The following MRPL38 variants were observed in gnomAD, a reference collection of about 807,000 sequenced individuals.
MRPL38 encodes large ribosomal subunit protein mL38.
In MRPL38, 51 loss-of-function variants were observed where a neutral mutation model predicts 52.1. The ratio of observed to expected loss-of-function variants is 0.98; its 90% CI spans 0.78 to 1.24. The LOEUF (loss-of-function observed/expected upper bound fraction) is 1.24. MRPL38 is among the 50% of genes most tolerant of loss of function. The pLI, the probability that MRPL38 is intolerant of heterozygous loss-of-function variation, is 0.00. For missense variants in MRPL38, 527 were observed against 518.6 expected (o/e 1.02, Z -0.16); for synonymous variants, 245 against 212.7 (o/e 1.15, Z -1.32).
intron 1 of MRPL38, 40 bp downstream of exon 1, chr17:75,904,769 A>AGGGGGCG: frequency 2.2e-6 from 1 of 454,470 alleles, no homozygotes; most frequent in Non-Finnish European, 3.4e-6. Flanking sequence ...CTCGGGCGAC[A>AGGGGGCG]GCCCCCCCCC....
At position 75,901,410 on chromosome 17, in the gene MRPL38, C is replaced by T. The variant is rs913057702; in HGVS notation, c.592-137G>A. On this transcript the variant is annotated intron_variant, in intron 4 of 8. Coordinates refer to ENST00000309352, the MANE Select transcript of MRPL38 (RefSeq NM_032478.4). The surrounding 1 kb of genome is among the most constrained non-coding windows in gnomAD (Gnocchi z 5.7). ...GCACAGGCAGGCAGGCAAAGGGATGCGTAGAGAAGCAGCCCTGCAGAGTTG... is the reference window on the plus strand; with the variant it reads ...GCACAGGCAGGCAGGCAAAGGGATGTGTAGAGAAGCAGCCCTGCAGAGTTG... The T allele has an allele frequency of 2.4e-5, 20 of 850,152 alleles. No homozygotes were observed. The highest frequency in any genetic ancestry group is 8.4e-5 in the Admixed American group (4 of 47,712). 52.7% of individuals were successfully genotyped at this position (850,152 alleles called of 1,614,324 possible). A position where few individuals can be genotyped will look rare whatever the true frequency, so the allele number is the denominator to read the frequency against.
rs1011347546 is a variant in MRPL38, at chr17:75,899,243, G to C, written c.921C>G (p.His307Gln). The C allele has an allele frequency of 2.5e-6, 4 of 1,612,098 alleles. No individual in the cohort carries two copies. In the Admixed American group the frequency reaches 5.0e-5, roughly 20 times the overall value. Residue 307 changes from histidine (H) to glutamine (Q), a missense_variant, in exon 8 of 9, where the codon CAC becomes CAG. His to Gln is a conservative substitution (Grantham distance 24). Coordinates refer to ENST00000309352, the MANE Select transcript of MRPL38 (RefSeq NM_032478.4). The stretch of plus-strand genomic sequence containing the variant: ...AGCCGGCTGGAGTCATGGTTTCTTG[G>C]TGTTTCTTGTAGAAATCAAAAGTGC... ...TFRTFDFYKK[H>Q]QETMTPAGLS...
At chr17:75,900,604 C>G (rs2065399283) in intron 6 of MRPL38, 1 of 255,734 alleles carries the variant, frequency 3.9e-6, no homozygotes, top group African/African-American at 2.3e-5. Flanking sequence ...ACCTGTAGTC[C>G]CAGCTACTCA....
Position 75,904,217 on chromosome 17 carries a change from G to A in MRPL38, c.247+323C>T, listed in dbSNP as rs1395762092. On this transcript the variant is annotated intron_variant, in intron 2 of 8. Transcript: ENST00000309352. ...ACAGTCAGAATGCAGTGTGGCCAGAGTTACCTACAGAGTATTTGAGGCGCA... is the reference window on the plus strand; with the variant it reads ...ACAGTCAGAATGCAGTGTGGCCAGAATTACCTACAGAGTATTTGAGGCGCA... 21 of 544,080 alleles carry A rather than the reference G, an allele frequency of 3.9e-5. No homozygotes were observed. The East Asian group carries it at 9.6e-4, about 25-fold the overall frequency. The allele number at this position is 544,080 out of a possible 1,614,324, so 33.7% of individuals were successfully genotyped here.
chr17:75,904,069 T>C (rs567588544), intron 2 of MRPL38, among the ~76,000 whole-genome samples: 1 of 152,296 alleles, frequency 6.6e-6, no homozygotes, highest in African/African-American at 2.4e-5. Context: ...AGGCCTTTAA[T>C]TTCATTCAGC....
chr17:75,903,405 T>TAAAAC lies in MRPL38; in HGVS notation c.247+1130_247+1134dup, dbSNP rs557749023. ...TGGGCAACAGAGCGAGCCTCTGCCT[T>TAAAAC]AAAACAAAACAAAACAAAATAATAA... On this transcript the variant is annotated intron_variant, in intron 2 of 8. Coordinates refer to ENST00000309352, the MANE Select transcript of MRPL38 (RefSeq NM_032478.4). 5.9e-4 allele frequency among the ~76,000 whole-genome samples: 90 copies of TAAAAC among 152,182 alleles called. 1 individual carries two copies. The South Asian group carries it at 0.016, about 28-fold the overall frequency.
At position 75,899,286 on chromosome 17, in the gene MRPL38, A is replaced by G. The variant is rs777491158; in HGVS notation, c.878T>C (p.Leu293Pro). 1.4e-5 allele frequency: 23 copies of G among 1,612,550 alleles called. No homozygotes were observed. The highest frequency in any genetic ancestry group is 1.9e-5 in the Non-Finnish European group (23 of 1,179,576). Residue 293 changes from leucine to proline, a missense_variant, in exon 8 of 9, where the codon CTG (leucine) becomes CCG (proline). Transcript: ENST00000309352. ...EDARPSPCYQLAQRTFRTFDF... is the reference protein window; with the variant it reads ...EDARPSPCYQPAQRTFRTFDF... ...AAAAGTGCGGAAGGTCCGCTGGGCCAGCTGATAGCTATGAGAAGATAGAGA... is the reference window on the plus strand; with the variant it reads ...AAAAGTGCGGAAGGTCCGCTGGGCCGGCTGATAGCTATGAGAAGATAGAGA...
chr17:75,899,695 G>A (rs1380448695), intron 6 of MRPL38, 21 bp from the exon 7 acceptor site: 1 of 1,539,920 alleles, frequency 6.5e-7, no homozygotes, highest in Non-Finnish European at 8.8e-7. Flanking sequence ...GAAAGTCCCG[G>A]TTAATTACCA....
intron 6 of MRPL38, 35 bp from the exon 7 acceptor site, chr17:75,899,709 C>T (rs1233244611): frequency 6.6e-7 from 1 of 1,517,054 alleles, no homozygotes; most frequent in Middle Eastern, 2.2e-4. Flanking sequence ...ATTACCACTC[C>T]AGGGAGGCAG....
In MRPL38 at chr17:75,899,152, C is replaced by A. The variant is rs1045276811; in HGVS notation, c.1006+6G>T. ...CCACCCAGTGCCCCAGCCCCATGGC[C>A]CTTACCCAGAAGCTGGTGGAAGATG... On this transcript the variant is annotated splice_donor_region_variant and intron_variant, in intron 8 of 8. Transcript: ENST00000309352. 1 of 1,599,222 alleles carries A rather than the reference C, an allele frequency of 6.3e-7. No individual in the cohort carries two copies. Among genetic ancestry groups the A allele is most frequent in the Non-Finnish European group, 8.5e-7 (1 of 1,173,704 alleles).
chr17:75,904,382 A>G (rs2065418828), intron 2 of MRPL38, 158 bp downstream of exon 2: 1 of 812,390 alleles, frequency 1.2e-6, no homozygotes, highest in African/African-American at 1.7e-5. Flanking sequence ...GGGGTGATTA[A>G]GCTGCCGATA....
At position 75,904,837 on chromosome 17, in the gene MRPL38, A is replaced by G; in HGVS notation, c.39T>C (p.Cys13=). The G allele has an allele frequency of 1.4e-6, 2 of 1,379,542 alleles. No individual in the cohort carries two copies. The highest frequency in any genetic ancestry group is 1.9e-6 in the Non-Finnish European group (2 of 1,067,304). The allele number at this position is 1,379,542 out of a possible 1,614,324, so 85.5% of individuals were successfully genotyped here. A position where few individuals can be genotyped will look rare whatever the true frequency, so the allele number is the denominator to read the frequency against. The part of the protein sequence containing the change: ...APWWRAALCE[C]RRWRGFSTSA... Reference sequence around the variant, plus strand: ...AGGTGCTGAAGCCCCGCCATCTCCGACACTCGCACAGCGCGGCTCGCCACC... The same window carrying G: ...AGGTGCTGAAGCCCCGCCATCTCCGGCACTCGCACAGCGCGGCTCGCCACC... The change falls in exon 1 of 9, where the codon TGT becomes TGC. Residue 13 remains cysteine, a synonymous_variant. Transcript: ENST00000309352.
chr17:75,904,055 G>C (rs1046605195), intron 2 of MRPL38, among the ~76,000 whole-genome samples: 1 of 152,144 alleles, frequency 6.6e-6, no homozygotes, highest in East Asian at 1.9e-4. Flanking sequence ...GAGTCACCCT[G>C]CCCAGGCCTT....
At chr17:75,903,526 A>T (rs2065414702) in intron 2 of MRPL38, among the ~76,000 whole-genome samples, 1 of 152,190 alleles carries the variant, frequency 6.6e-6, no homozygotes, top group African/African-American at 2.4e-5. Context: ...TGTAGCAAAG[A>T]CACAATTATT....
rs1396044575 is a variant in MRPL38, at chr17:75,899,189, G to A, written c.975C>T (p.Asp325=). 1.9e-6 allele frequency: 3 copies of A among 1,605,794 alleles called. No individual in the cohort carries two copies. The highest frequency in any genetic ancestry group is 2.7e-5 in the African/African-American group (2 of 74,926). ...GLSFFQCRWD[D]SVTYIFHQLL... ...GCTGGTGGAAGATGTAGGTGACGGA[G>A]TCATCCCAGCGGCACTGGAAGAAGG... Residue 325 remains aspartate, a synonymous_variant, in exon 8 of 9, where the codon GAC becomes GAT. Coordinates refer to ENST00000309352, the MANE Select transcript of MRPL38 (RefSeq NM_032478.4).
rs1391070420 is a variant in MRPL38 at position 75,904,079 on chromosome 17, C to T, written c.247+461G>A. On this transcript the variant is annotated intron_variant, in intron 2 of 8. Transcript: ENST00000309352. Reference sequence around the variant, plus strand: ...TGCCCAGGCCTTTAATTTCATTCAGCAAAGTATTGCACATGTACATCCTTG... The same window carrying T: ...TGCCCAGGCCTTTAATTTCATTCAGTAAAGTATTGCACATGTACATCCTTG... 8.9e-6 allele frequency: 3 copies of T among 338,008 alleles called. No homozygotes were observed. The East Asian group carries it at 2.6e-4, about 30-fold the overall frequency. The allele number at this position is 338,008 out of a possible 1,614,324, so 20.9% of individuals were successfully genotyped here.
At chr17:75,902,805 T>G (rs945048866) in intron 2 of MRPL38, among the ~76,000 whole-genome samples, 1 of 152,162 alleles carries the variant, frequency 6.6e-6, no homozygotes, top group African/African-American at 2.4e-5. Flanking sequence ...CACTGCAACC[T>G]CTGCCTCCCG....
chr17:75,902,911 G>A (rs529052290), intron 2 of MRPL38, among the ~76,000 whole-genome samples: 30 of 152,228 alleles, frequency 2.0e-4, no homozygotes, highest in African/African-American at 7.0e-4. Context: ...TTTTAGTAGA[G>A]ACGGGGTTTC....
In MRPL38 at chr17:75,898,881, TC is replaced by T; in HGVS notation, c.1111del (p.Asp371ThrfsTer23). 1.2e-6 allele frequency: 2 copies of T among 1,611,876 alleles called. No individual in the cohort carries two copies. Among genetic ancestry groups the T allele is most frequent in the Non-Finnish European group, 8.5e-7 (1 of 1,179,482 alleles). ...QPLRYLDRYR[D>X]SHEPTYGIY is the part of the protein sequence containing the mutation. ...GATGCCATAGGTGGGCTCATGACTG[TC>T]CCTGTACCGGTCCAGGTAGCGCAGG... On this transcript the variant is annotated frameshift_variant, in exon 9 of 9. Transcript: ENST00000309352. LOFTEE classifies it high-confidence loss of function.
Sources: gnomAD v4.1 joint callset for allele counts (sites outside exome capture counted in the v4.1 genomes callset) on GRCh38, gnomAD v4.1.1 for gene constraint, Gnocchi (gnomAD v3.1) non-coding constraint, MANE v1.5 for transcripts, NCBI Gene and HGNC (gene_info 2026-07-23, HGNC 2026-07-21) for gene names.